The following KCNJ15 variants were observed in gnomAD, a reference collection of about 807,000 sequenced individuals.
KCNJ15 encodes the protein ATP-sensitive inward rectifier potassium channel 15.
KCNJ15 carries 14 observed loss-of-function variants against 23.0 expected under a neutral mutation model. The ratio of observed to expected loss-of-function variants is 0.61; its 90% CI spans 0.40 to 0.95. The LOEUF is 0.95. Among genes scored for constraint, KCNJ15 ranks in the 40% least tolerant of loss-of-function variants. KCNJ15 has a pLI of 0.00. For missense variants in KCNJ15, 388 were observed against 461.8 expected, an observed-to-expected ratio of 0.84 and a Z score of 1.46; for synonymous variants, 185 against 183.2, an observed-to-expected ratio of 1.01 and a Z score of -0.08.
At chr21:38,263,639 C>T (rs2087790105) in intron 1 of KCNJ15, among the ~76,000 whole-genome samples, 1 of 152,152 alleles carries the variant, frequency 6.6e-6, no homozygotes, top group African/African-American at 2.4e-5. Flanking sequence ...TTTCACACAA[C>T]CCCACGGGGG....
intron 1 of KCNJ15, among the ~76,000 whole-genome samples, chr21:38,280,136 G>A (rs1983162009): frequency 6.6e-6 from 1 of 152,178 alleles, no homozygotes; most frequent in African/African-American, 2.4e-5. Context: ...TTGTGTTTCT[G>A]TGGACTGCGG....
chr21:38,300,418 T>C lies in KCNJ15; in HGVS notation c.*29T>C. 1 of 1,554,372 alleles carries C rather than the reference T, an allele frequency of 6.4e-7. No homozygotes were observed. Among genetic ancestry groups the C allele is most frequent in the Non-Finnish European group, 8.7e-7 (1 of 1,149,288 alleles). ...CAGGGGCGCCATCCAGGTTTAACCCTGCAAGCTGTTTCCACATCAGAACTC... is the reference window on the plus strand; with the variant it reads ...CAGGGGCGCCATCCAGGTTTAACCCCGCAAGCTGTTTCCACATCAGAACTC... On this transcript the variant is annotated 3_prime_UTR_variant, in exon 3 of 3. Coordinates refer to ENST00000398938, the MANE Select transcript of KCNJ15 (RefSeq NM_170736.3).
At chr21:38,261,184 G>A (rs1188217490) in intron 1 of KCNJ15, among the ~76,000 whole-genome samples, 2 of 152,160 alleles carry the variant, frequency 1.3e-5, no homozygotes, top group African/African-American at 2.4e-5. Flanking sequence ...GGTGTTGGGC[G>A]GATGGCTATG....
In KCNJ15 at chr21:38,305,264, C is replaced by G. The variant is rs766530550; in HGVS notation, c.*4875C>G. On this transcript the variant is annotated 3_prime_UTR_variant, in exon 3 of 3. Coordinates refer to ENST00000398938, the MANE Select transcript of KCNJ15 (RefSeq NM_170736.3). The stretch of plus-strand genomic sequence containing the variant: ...ATATTTGCTGTTCATTCTATAAAGT[C>G]AAATAGATTGGTGGGTTAAAAAATA... 1.8e-4 allele frequency: 27 copies of G among 151,974 alleles called. No individual in the cohort carries two copies. Among genetic ancestry groups the G allele is most frequent in the Non-Finnish European group, 2.8e-4 (19 of 68,004 alleles). The allele number at this position is 151,974 out of a possible 1,614,324, so 9.4% of individuals were successfully genotyped here. A position where few individuals can be genotyped will look rare whatever the true frequency, so the allele number is the denominator to read the frequency against.
intron 1 of KCNJ15, among the ~76,000 whole-genome samples, chr21:38,269,589 T>C (rs1285268135): frequency 6.6e-6 from 1 of 152,230 alleles, no homozygotes; most frequent in Non-Finnish European, 1.5e-5. Flanking sequence ...CAACTTGGCA[T>C]GCAAGTGAGC....
chr21:38,287,260 C>T (rs1984007345), intron 1 of KCNJ15, among the ~76,000 whole-genome samples: 1 of 152,164 alleles, frequency 6.6e-6, no homozygotes, highest in East Asian at 1.9e-4. Flanking sequence ...AGGCTGCACC[C>T]CCATCCCGCA....
chr21:38,259,281 T>G (rs1980626303), intron 1 of KCNJ15, among the ~76,000 whole-genome samples: 1 of 152,130 alleles, frequency 6.6e-6, no homozygotes, highest in Non-Finnish European at 1.5e-5. Context: ...ATTTGTGTGG[T>G]GGATGCGTCA....
intron 1 of KCNJ15, 160 bp from the exon 2 acceptor site, chr21:38,296,766 A>G (rs1473616720): frequency 1.3e-5 from 2 of 152,592 alleles, no homozygotes; most frequent in African/African-American, 2.4e-5. Context: ...TCCTTCTTAA[A>G]TCGTTCCTTG....
chr21:38,261,529 G>A (rs1980896450), intron 1 of KCNJ15, among the ~76,000 whole-genome samples: 2 of 152,122 alleles, frequency 1.3e-5, no homozygotes, highest in Admixed American at 1.3e-4. Flanking sequence ...TACCTATCAT[G>A]TTTATCCATA....
At chr21:38,248,898 C>T (rs1026934548) in intron 1 of KCNJ15, among the ~76,000 whole-genome samples, 1 of 151,980 alleles carries the variant, frequency 6.6e-6, no homozygotes, top group Non-Finnish European at 1.5e-5. Flanking sequence ...CCCATGCCTT[C>T]CCTTCTCCAA....
At chr21:38,296,116 T>C (rs937743551) in intron 1 of KCNJ15, among the ~76,000 whole-genome samples, 3 of 152,184 alleles carry the variant, frequency 2.0e-5, no homozygotes, top group East Asian at 3.8e-4. Context: ...ATACAGATCA[T>C]AGATAATTGA....
At chr21:38,238,922 AAAAAT>A (rs2123549597) in intron 1 of KCNJ15, among the ~76,000 whole-genome samples, 2 of 152,322 alleles carry the variant, frequency 1.3e-5, no homozygotes, top group South Asian at 4.1e-4. Flanking sequence ...CTCCCTGCTT[AAAAAT>A]AATTCTGCAG....
rs190597367 is a variant in KCNJ15 at position 38,243,523 on chromosome 21, G to A, written c.-398-13523G>A. Among the ~76,000 whole-genome samples the A allele has an allele frequency of 2.4e-3, 361 of 152,254 alleles. 2 individuals carry two copies. The highest frequency in any genetic ancestry group is 8.4e-3 in the African/African-American group (348 of 41,550). ...TGCAACCCCCACCTCCCAGGTTCAAGCTATTCTCCTGCCTCAGCCTCCCAA... is the reference window on the plus strand; with the variant it reads ...TGCAACCCCCACCTCCCAGGTTCAAACTATTCTCCTGCCTCAGCCTCCCAA... On this transcript the variant is annotated intron_variant, in intron 1 of 4. Coordinates refer to the KCNJ15 transcript ENST00000547341.
chr21:38,244,288 G>T (rs920618258), intron 1 of KCNJ15, among the ~76,000 whole-genome samples: 7 of 152,142 alleles, frequency 4.6e-5, no homozygotes, highest in Non-Finnish European at 8.8e-5. Context: ...AAGCCAGATT[G>T]TACCTCCTTC....
At chr21:38,294,951 C>T (rs905292440) in intron 1 of KCNJ15, among the ~76,000 whole-genome samples, 2 of 152,150 alleles carry the variant, frequency 1.3e-5, no homozygotes, top group African/African-American at 4.8e-5. Flanking sequence ...CAACCCCAAC[C>T]CACAAACTGA....
At chr21:38,249,776 T>G (rs150927998) in intron 1 of KCNJ15, among the ~76,000 whole-genome samples, 1 of 152,354 alleles carries the variant, frequency 6.6e-6, no homozygotes, top group Admixed American at 6.5e-5. Context: ...TATTAGGCAT[T>G]CTTTATCATC....
chr21:38,255,237 A>G (rs913455391), upstream of KCNJ15, among the ~76,000 whole-genome samples: 5 of 152,214 alleles, frequency 3.3e-5, no homozygotes, highest in African/African-American at 9.6e-5. Flanking sequence ...AGCTCAGTGA[A>G]TGAAGGCCAG....
chr21:38,253,142 A>G (rs1475177411), upstream of KCNJ15, among the ~76,000 whole-genome samples: 3 of 152,178 alleles, frequency 2.0e-5, no homozygotes, highest in African/African-American at 7.2e-5. Context: ...TCCTTGTCCT[A>G]AAATTGTACC....
chr21:38,284,607 T>A (rs1040516498), intron 1 of KCNJ15, among the ~76,000 whole-genome samples: 8 of 152,224 alleles, frequency 5.3e-5, no homozygotes, highest in African/African-American at 1.7e-4. Flanking sequence ...TTTAACATGA[T>A]CACTTTCAAA....
Sources: allele counts gnomAD v4.1 joint callset (sites outside exome capture counted in the v4.1 genomes callset), GRCh38; gene constraint gnomAD v4.1.1; transcripts MANE v1.5; gene names NCBI Gene and HGNC (gene_info 2026-07-23, HGNC 2026-07-21).